Variants in CYREN observed in about 807,000 individuals in gnomAD.
CYREN encodes cell cycle regulator of non-homologous end joining.
A neutral mutation model predicts 9.7 loss-of-function variants in CYREN; 7 were observed. The ratio of observed to expected loss-of-function variants is 0.72; its 90% CI spans 0.41 to 1.36. CYREN has a LOEUF of 1.36. CYREN is among the 40% of genes most tolerant of loss of function. The pLI, the probability that CYREN is intolerant of heterozygous loss-of-function variation, is 0.01. For missense variants in CYREN, 215 were observed against 198.1 expected (o/e 1.09, Z -0.51); for synonymous variants, 76 against 77.9 (o/e 0.98, Z 0.13).
intron 2 of CYREN, among the ~76,000 whole-genome samples, chr7:135,139,719 T>C (rs1286283469): frequency 6.6e-6 from 1 of 152,158 alleles, no homozygotes; most frequent in Non-Finnish European, 1.5e-5. Context: ...TACATTTAAG[T>C]CTTTAATCCA....
upstream of CYREN, among the ~76,000 whole-genome samples, chr7:135,171,826 C>T (rs148736655): frequency 5.8e-3 from 881 of 152,308 alleles, 8 homozygotes; most frequent in African/African-American, 0.02. Context: ...GCCTGACTGA[C>T]GCAATCCAAA....
chr7:135,160,909 A>T (rs988284908), downstream of CYREN, among the ~76,000 whole-genome samples: 1 of 152,196 alleles, frequency 6.6e-6, no homozygotes, highest in Admixed American at 6.5e-5. Context: ...GATTTAGAGA[A>T]GCAGAAAGTA....
intron 2 of CYREN, among the ~76,000 whole-genome samples, chr7:135,142,209 T>C (rs1160367558): frequency 6.6e-6 from 1 of 151,148 alleles, no homozygotes; most frequent in Non-Finnish European, 1.5e-5. Context: ...GCAGCTGCAT[T>C]TGCCCACTAT....
downstream of CYREN, among the ~76,000 whole-genome samples, chr7:135,163,199 A>C (rs1314850814): frequency 6.6e-6 from 1 of 152,254 alleles, no homozygotes; most frequent in Non-Finnish European, 1.5e-5. Flanking sequence ...GCTTTGAAAA[A>C]TGTTTACTAA....
At chr7:135,163,620 G>C (rs1830004997), downstream of CYREN, among the ~76,000 whole-genome samples, 2 of 152,206 alleles carry the variant, frequency 1.3e-5, no homozygotes, top group Admixed American at 6.5e-5. Context: ...ACTCCAGCCT[G>C]GGTGACAGAG....
chr7:135,150,625 G>A (rs1829646091), intron 2 of CYREN, among the ~76,000 whole-genome samples: 2 of 152,308 alleles, frequency 1.3e-5, no homozygotes, highest in South Asian at 4.1e-4. Flanking sequence ...ACAGCCAAAG[G>A]CAGTCACCAG....
At chr7:135,096,624 G>GATAGATAGATAGATAGATA (rs1585088072) in intron 2 of CYREN, among the ~76,000 whole-genome samples, 2 of 147,944 alleles carry the variant, frequency 1.4e-5, no homozygotes, top group East Asian at 2.0e-4. Context: ...TAGATAGATA[G>GATAGATAGATAGATAGATA]GGCTATTCTT....
At chr7:135,128,134 A>G (rs1332920062) in intron 2 of CYREN, among the ~76,000 whole-genome samples, 1 of 151,870 alleles carries the variant, frequency 6.6e-6, no homozygotes, top group Non-Finnish European at 1.5e-5. Context: ...TCTACTAAAA[A>G]TACAAAAATT....
intron 2 of CYREN, chr7:135,134,764 A>T (rs922785949): frequency 1.7e-5 from 22 of 1,277,162 alleles, no homozygotes; most frequent in Non-Finnish European, 3.2e-6. Context: ...AATATTATTT[A>T]TACTATGACA....
downstream of CYREN, among the ~76,000 whole-genome samples, chr7:135,163,717 A>G (rs900445044): frequency 6.6e-6 from 1 of 152,216 alleles, no homozygotes; most frequent in African/African-American, 2.4e-5. Context: ...AAAAATATGT[A>G]TTAGTTTTTA....
rs572834280 is a variant in CYREN, at chr7:135,158,115, G to A, written n.356+10634C>T. The stretch of plus-strand genomic sequence containing the variant: ...ACATCAAGTTGAACTCAGCAAGAAG[G>A]TGGGGCACAGCCCAGCATTAAACTC... On this transcript the variant is annotated intron_variant and non_coding_transcript_variant, in intron 2 of 2. Transcript: ENST00000459937. 3.3e-5 allele frequency among the ~76,000 whole-genome samples: 5 copies of A among 152,306 alleles called. No individual in the cohort carries two copies. The East Asian group carries it at 7.7e-4, about 24-fold the overall frequency.
At position 135,151,428 on chromosome 7, in the gene CYREN, C is replaced by A. The variant is rs141862150; in HGVS notation, n.356+17321G>T. Reference sequence around the variant, plus strand: ...TGTGTTCCACCAGAAATATTTTAGCCAGGACTGGTGGCCTCTGACAAGTAA... The same window carrying A: ...TGTGTTCCACCAGAAATATTTTAGCAAGGACTGGTGGCCTCTGACAAGTAA... On this transcript the variant is annotated intron_variant and non_coding_transcript_variant, in intron 2 of 2. Coordinates refer to the CYREN transcript ENST00000459937. The surrounding 1 kb of genome is among the most constrained non-coding windows in gnomAD (Gnocchi z 4.3). Among the ~76,000 whole-genome samples the A allele has an allele frequency of 4.6e-5, 7 of 152,312 alleles. No homozygotes were observed. The highest frequency in any genetic ancestry group is 7.4e-5 in the Non-Finnish European group (5 of 68,026).
At chr7:135,110,763 C>G (rs1283695657) in intron 2 of CYREN, among the ~76,000 whole-genome samples, 1 of 152,192 alleles carries the variant, frequency 6.6e-6, no homozygotes, top group Non-Finnish European at 1.5e-5. Flanking sequence ...GCGACAAATG[C>G]AAGCTCCATC....
At chr7:135,128,160 T>C (rs1828160188) in intron 2 of CYREN, among the ~76,000 whole-genome samples, 1 of 150,784 alleles carries the variant, frequency 6.6e-6, no homozygotes, top group Admixed American at 6.6e-5. Context: ...GGTGTGGTGG[T>C]GAGTGCCTGT....
intron 2 of CYREN, among the ~76,000 whole-genome samples, chr7:135,096,592 G>GATAC (rs1258940658): frequency 1.4e-5 from 2 of 143,370 alleles, no homozygotes; most frequent in African/African-American, 5.2e-5. Context: ...TACATAGATA[G>GATAC]ATAGATAGAT....
intron 2 of CYREN, among the ~76,000 whole-genome samples, chr7:135,105,384 TA>T (rs1458462231): frequency 1.3e-5 from 2 of 152,232 alleles, no homozygotes; most frequent in African/African-American, 4.8e-5. Context: ...TTCAAGTTTT[TA>T]ATCCATCTTG....
downstream of CYREN, among the ~76,000 whole-genome samples, chr7:135,162,877 AAAG>A (rs1829981868): frequency 6.6e-6 from 1 of 152,258 alleles, no homozygotes; most frequent in Non-Finnish European, 1.5e-5. Context: ...AACGGAGTGA[AAAG>A]AATTTTTTAA....
chr7:135,097,375 A>C (rs1823061777), intron 2 of CYREN, among the ~76,000 whole-genome samples: 1 of 152,120 alleles, frequency 6.6e-6, no homozygotes, highest in South Asian at 2.1e-4. Context: ...TTGATTTGAA[A>C]AGTGAGGTTT....
chr7:135,150,158 G>A (rs1829634453), intron 2 of CYREN, among the ~76,000 whole-genome samples: 1 of 152,072 alleles, frequency 6.6e-6, no homozygotes, highest in South Asian at 2.1e-4. Flanking sequence ...TGTGGAGTGA[G>A]ATGAGGACCT....
Sources: allele counts gnomAD v4.1 joint callset (sites outside exome capture counted in the v4.1 genomes callset), GRCh38; gene constraint gnomAD v4.1.1; non-coding constraint Gnocchi (gnomAD v3.1); transcripts MANE v1.5; gene names NCBI Gene and HGNC (gene_info 2026-07-23, HGNC 2026-07-21).